Variants in PCSK5 observed in about 807,000 individuals in gnomAD.
PCSK5 encodes the protein prohormone convertase 5.
A neutral mutation model predicts 233.2 loss-of-function variants in PCSK5; 129 were observed. The ratio of observed to expected loss-of-function variants is 0.55; its 90% CI spans 0.48 to 0.64. The LOEUF (loss-of-function observed/expected upper bound fraction) is 0.64, where lower values mean the gene tolerates loss of function less well. Among genes scored for constraint, PCSK5 ranks in the 30% least tolerant of loss-of-function variants. PCSK5 has a pLI of 0.00. For synonymous variants in PCSK5, 825 were observed against 879.2 expected (o/e 0.94, Z 1.09); for missense variants, 2,076 against 2,430.1 (o/e 0.85, Z 3.06).
chr9:76,050,960 G>A (rs973835769), intron 5 of PCSK5, among the ~76,000 whole-genome samples: 1 of 152,248 alleles, frequency 6.6e-6, no homozygotes. Flanking sequence ...AGGGGGATAT[G>A]ACAGTCATTT....
At chr9:76,105,197 C>G (rs1222164719) in intron 8 of PCSK5, among the ~76,000 whole-genome samples, 1 of 152,126 alleles carries the variant, frequency 6.6e-6, no homozygotes, top group Non-Finnish European at 1.5e-5. Flanking sequence ...ATATACTCAG[C>G]CTTATAAAGT....
In PCSK5 at chr9:76,350,819, C is replaced by T; in HGVS notation, c.4967-9C>T. 3.3e-6 allele frequency: 5 copies of T among 1,534,482 alleles called. No individual in the cohort carries two copies. The highest frequency in any genetic ancestry group is 4.5e-6 in the Non-Finnish European group (5 of 1,109,992). ...TCAATCTCATAACTTAGAATGTTTT[C>T]TCTTTCAGGAAAAGGAGCGTTGAAT... is the stretch of plus-strand genomic sequence containing the variant. On this transcript the variant is annotated splice_polypyrimidine_tract_variant and intron_variant, in intron 35 of 37. Transcript: ENST00000674117.
chr9:76,101,369 A>G (rs921947043), intron 8 of PCSK5, among the ~76,000 whole-genome samples: 8 of 152,212 alleles, frequency 5.3e-5, no homozygotes, highest in Admixed American at 3.3e-4. Context: ...GATATTTAGC[A>G]TAGAAAATTG....
intron 1 of PCSK5, among the ~76,000 whole-genome samples, 158 bp downstream of exon 1, chr9:75,891,531 G>GCACACACA (rs34768107): frequency 1.8e-4 from 27 of 148,686 alleles, no homozygotes; most frequent in African/African-American, 5.9e-4. Context: ...GCGCGCGTAC[G>GCACACACA]CACACACACA....
chr9:76,282,120 C>CT (rs71372059), intron 24 of PCSK5, among the ~76,000 whole-genome samples: 4,185 of 14,438 alleles, frequency 0.29, 1,949 homozygotes, highest in Middle Eastern at 0.5. Flanking sequence ...CTTTTCTTTG[C>CT]TTTTTTTTTT....
chr9:76,041,843 G>GGGA (rs1554677386), intron 5 of PCSK5, among the ~76,000 whole-genome samples: 6 of 131,048 alleles, frequency 4.6e-5, no homozygotes, highest in Non-Finnish European at 8.3e-5. Context: ...TGTCTCAAGG[G>GGGA]AAAAAAAAAA....
At chr9:76,011,476 G>A (rs1314367186) in intron 3 of PCSK5, among the ~76,000 whole-genome samples, 1 of 152,208 alleles carries the variant, frequency 6.6e-6, no homozygotes, top group Non-Finnish European at 1.5e-5. Context: ...CAGCCTAAAA[G>A]GAATGATATT....
chr9:75,916,524 AAAG>A (rs1417045848), intron 1 of PCSK5, among the ~76,000 whole-genome samples: 2 of 152,220 alleles, frequency 1.3e-5, no homozygotes, highest in Non-Finnish European at 1.5e-5. Flanking sequence ...CAGAGAGGTC[AAAG>A]AAGACTTTGA....
At chr9:76,120,195 AG>A (rs1197445419) in intron 9 of PCSK5, among the ~76,000 whole-genome samples, 1 of 152,116 alleles carries the variant, frequency 6.6e-6, no homozygotes, top group African/African-American at 2.4e-5. Flanking sequence ...CTCCTCCAAA[AG>A]CAGTTTGTTT....
At chr9:75,967,703 T>A (rs796223512) in intron 2 of PCSK5, among the ~76,000 whole-genome samples, 35 of 152,144 alleles carry the variant, frequency 2.3e-4, no homozygotes, top group African/African-American at 8.4e-4. Context: ...GCTAAAGACA[T>A]GTCATTTGGT....
chr9:76,147,617 G>A (rs1158511040), intron 10 of PCSK5, among the ~76,000 whole-genome samples: 2 of 152,130 alleles, frequency 1.3e-5, no homozygotes, highest in African/African-American at 4.8e-5. Context: ...GCAAGTCCTG[G>A]GTGATTCCGA....
chr9:76,081,596 T>C (rs1370756191), intron 7 of PCSK5, among the ~76,000 whole-genome samples: 1 of 152,212 alleles, frequency 6.6e-6, no homozygotes, highest in Non-Finnish European at 1.5e-5. Flanking sequence ...GAAGCTTTTC[T>C]TTTTATTACT....
intron 2 of PCSK5, among the ~76,000 whole-genome samples, chr9:75,979,872 A>G (rs1346231894): frequency 6.6e-6 from 1 of 152,218 alleles, no homozygotes. Context: ...TTTTTCATCA[A>G]TAACTATGAA....
rs574024211 is a variant in PCSK5 at position 76,015,251 on chromosome 9, T to C, written c.412-8487T>C. 2.6e-5 allele frequency among the ~76,000 whole-genome samples: 4 copies of C among 152,192 alleles called. No homozygotes were observed. In the South Asian group the frequency reaches 6.2e-4, roughly 24 times the overall value. On this transcript the variant is annotated intron_variant, in intron 3 of 37. Coordinates refer to ENST00000674117, the MANE Select transcript of PCSK5 (RefSeq NM_001372043.1). ...CTCTTCCTCTGACTTTTTGTTGTAT[T>C]CCGCCCCTCAACAGATCAGATGATG... is the stretch of plus-strand genomic sequence containing the variant.
intron 5 of PCSK5, among the ~76,000 whole-genome samples, chr9:76,053,034 C>T (rs1034646355): frequency 1.2e-4 from 18 of 152,334 alleles, no homozygotes; most frequent in South Asian, 6.2e-4. Context: ...GCTCCCATGG[C>T]ATTGGACAGT....
rs187720743 is a variant in PCSK5 at position 75,919,512 on chromosome 9, T to C, written c.193-12867T>C. On this transcript the variant is annotated intron_variant, in intron 1 of 37. Transcript: ENST00000674117. The stretch of plus-strand genomic sequence containing the variant: ...GGGTTGTATGTTAAGTGAGTAATTT[T>C]ATGTGAAACTGCCAAACTGTTTTCC... 3.3e-5 allele frequency among the ~76,000 whole-genome samples: 5 copies of C among 152,322 alleles called. No homozygotes were observed. The East Asian group carries it at 9.6e-4, about 29-fold the overall frequency.
intron 2 of PCSK5, among the ~76,000 whole-genome samples, chr9:75,972,218 A>G (rs1272089037): frequency 6.6e-6 from 1 of 152,108 alleles, no homozygotes; most frequent in Non-Finnish European, 1.5e-5. Flanking sequence ...TGAGATCTCT[A>G]TTCTGTTCCA....
intron 5 of PCSK5, among the ~76,000 whole-genome samples, chr9:76,052,377 A>G (rs1038977661): frequency 6.6e-6 from 1 of 152,194 alleles, no homozygotes; most frequent in Non-Finnish European, 1.5e-5. Context: ...ACAGTTCCAC[A>G]TGGCCGGGAA....
chr9:76,343,613 A>T (rs1829899080), intron 35 of PCSK5, among the ~76,000 whole-genome samples: 1 of 152,238 alleles, frequency 6.6e-6, no homozygotes, highest in South Asian at 2.1e-4. Flanking sequence ...TAATCAGGGC[A>T]TAATTAGTAA....
Sources: allele counts gnomAD v4.1 joint callset (sites outside exome capture counted in the v4.1 genomes callset), GRCh38; gene constraint gnomAD v4.1.1; transcripts MANE v1.5; gene names NCBI Gene and HGNC (gene_info 2026-07-23, HGNC 2026-07-21).